RRAGC: variants seen among roughly 807,000 people sequenced by gnomAD.
RRAGC encodes the protein ras-related GTP-binding protein C.
In RRAGC, 8 loss-of-function variants were observed where a neutral mutation model predicts 37.1. The ratio of observed to expected loss-of-function variants is 0.22; its 90% confidence interval spans 0.13 to 0.39. The LOEUF (loss-of-function observed/expected upper bound fraction) is 0.39, where lower values mean the gene tolerates loss of function less well. Ranked by LOEUF, RRAGC falls within the 10% of genes least tolerant of loss-of-function variation. RRAGC has a pLI of 1.00. For missense variants in RRAGC, 342 were observed against 497.6 expected, an observed-to-expected ratio of 0.69 and a Z score of 2.98; for synonymous variants, 190 against 181.1, an observed-to-expected ratio of 1.05 and a Z score of -0.39.
intron 5 of RRAGC, among the ~76,000 whole-genome samples, chr1:38,848,789 A>T (rs948926425): frequency 6.6e-5 from 10 of 152,236 alleles, no homozygotes; most frequent in Middle Eastern, 6.8e-3. Flanking sequence ...GTTCGATACC[A>T]GCCTGGGTAA....
chr1:38,840,801 G>T (rs1244735155), intron 6 of RRAGC, among the ~76,000 whole-genome samples: 5 of 152,164 alleles, frequency 3.3e-5, no homozygotes, highest in East Asian at 1.9e-4. Flanking sequence ...GAATAAGTAG[G>T]TTACAGCCAA....
At chr1:38,848,922 A>C (rs1342255154) in intron 5 of RRAGC, among the ~76,000 whole-genome samples, 1 of 152,166 alleles carries the variant, frequency 6.6e-6, no homozygotes, top group African/African-American at 2.4e-5. Context: ...ACTTGAGTCC[A>C]GGAATTCAAG....
chr1:38,842,477 C>T (rs1302370450), intron 6 of RRAGC, among the ~76,000 whole-genome samples: 5 of 152,180 alleles, frequency 3.3e-5, no homozygotes, highest in African/African-American at 1.2e-4. Flanking sequence ...GATACCCTTT[C>T]ACACCTACCA....
At position 38,859,551 on chromosome 1, in the gene RRAGC, C is replaced by T; in HGVS notation, c.96G>A (p.Glu32=). ...CCGCCGCCGCCGCCTCCTCTTCCTC[C>T]TCCTCCACGCCGTAGCCGAAGTCCT... ...FPKDFGYGVE[E]EEEEAAAAGG... The change falls in exon 1 of 7, where the codon GAG becomes GAA. Residue 32 remains glutamate, a synonymous_variant. Transcript: ENST00000373001. 6.4e-7 allele frequency: 1 copy of T among 1,551,876 alleles called. No homozygotes were observed. The highest frequency in any genetic ancestry group is 1.2e-5 in the South Asian group (1 of 84,268).
intron 2 of RRAGC, 82 bp downstream of exon 2, chr1:38,856,797 A>G: frequency 1.5e-6 from 2 of 1,357,502 alleles, no homozygotes; most frequent in South Asian, 1.2e-5. Flanking sequence ...CTGCAACCAC[A>G]TGACAAAGAA....
At chr1:38,856,423 T>C (rs759817572) in intron 2 of RRAGC, among the ~76,000 whole-genome samples, 5 of 152,202 alleles carry the variant, frequency 3.3e-5, no homozygotes, top group Admixed American at 6.5e-5. Flanking sequence ...ACTTGCCCCA[T>C]TCATCTCACT....
intron 3 of RRAGC, among the ~76,000 whole-genome samples, chr1:38,855,493 T>G (rs1642157357): frequency 6.6e-6 from 1 of 152,154 alleles, no homozygotes; most frequent in Non-Finnish European, 1.5e-5. Flanking sequence ...TGGAAACACT[T>G]CACATGACTT....
At chr1:38,857,561 A>G (rs567593908) in intron 1 of RRAGC, among the ~76,000 whole-genome samples, 1 of 152,364 alleles carries the variant, frequency 6.6e-6, no homozygotes, top group East Asian at 1.9e-4. Flanking sequence ...GAAGGGCAGT[A>G]ACTATACCAA....
intron 2 of RRAGC, among the ~76,000 whole-genome samples, chr1:38,856,516 T>G (rs1283343461): frequency 6.6e-6 from 1 of 152,220 alleles, no homozygotes; most frequent in Non-Finnish European, 1.5e-5. Flanking sequence ...CACTCTAATA[T>G]CTACTGACTC....
chr1:38,857,697 C>G (rs1362024549), intron 1 of RRAGC, among the ~76,000 whole-genome samples: 1 of 152,242 alleles, frequency 6.6e-6, no homozygotes, highest in African/African-American at 2.4e-5. Flanking sequence ...CGGTGGCTCA[C>G]GCCTTCAATC....
rs1341282239 is a variant in RRAGC at position 38,838,432 on chromosome 1, A to G, written c.*1121T>C. On this transcript the variant is annotated 3_prime_UTR_variant, in exon 7 of 7. Coordinates refer to ENST00000373001, the MANE Select transcript of RRAGC (RefSeq NM_022157.4). ...AAGTGGTCCAGTGGCTTTGGAATAT[A>G]TGTCTACTGGGCATGTGGAATAGAA... 1 of 152,244 alleles carries G rather than the reference A, an allele frequency of 6.6e-6. No individual in the cohort carries two copies. The highest frequency in any genetic ancestry group is 1.5e-5 in the Non-Finnish European group (1 of 68,050). 9.4% of individuals were successfully genotyped at this position (152,244 alleles called of 1,614,324 possible).
At position 38,859,730 on chromosome 1, in the gene RRAGC, C is replaced by T. The variant is rs1008970346; in HGVS notation, c.-84G>A. ...CCGCCTCCCCAGTCCGCCTCCGCCG[C>T]CGCCGCCACCACCGCCACCGCCCCC... On this transcript the variant is annotated 5_prime_UTR_variant, in exon 1 of 7. Transcript: ENST00000373001. 10 of 1,168,220 alleles carry T rather than the reference C, an allele frequency of 8.6e-6. No individual in the cohort carries two copies. Among genetic ancestry groups the T allele is most frequent in the Non-Finnish European group, 1.1e-5 (10 of 929,362 alleles). 72.4% of individuals were successfully genotyped at this position (1,168,220 alleles called of 1,614,324 possible).
chr1:38,845,272 A>C (rs2124218587), intron 6 of RRAGC, among the ~76,000 whole-genome samples: 1 of 152,350 alleles, frequency 6.6e-6, no homozygotes, highest in Non-Finnish European at 1.5e-5. Flanking sequence ...TGGCACATAT[A>C]CATCATGGAA....
intron 1 of RRAGC, among the ~76,000 whole-genome samples, 155 bp downstream of exon 1, chr1:38,859,255 C>G (rs1199156593): frequency 6.6e-6 from 1 of 152,236 alleles, no homozygotes; most frequent in African/African-American, 2.4e-5. Flanking sequence ...TCGGGGTCCC[C>G]GCGCGGGCCG....
At chr1:38,844,275 A>G (rs961568234) in intron 6 of RRAGC, among the ~76,000 whole-genome samples, 1 of 152,110 alleles carries the variant, frequency 6.6e-6, no homozygotes, top group Non-Finnish European at 1.5e-5. Context: ...AATATTTAAG[A>G]GAGAACGTCT....
rs766556826 is a variant in RRAGC, at chr1:38,839,682, G to C, written c.1071C>G (p.His357Gln). The change falls in exon 7 of 7, where the codon CAC (histidine) becomes CAG (glutamine). Residue 357 changes from histidine (H) to glutamine (Q), a missense_variant. By Grantham distance (24) the His-to-Gln change is conservative. Coordinates refer to ENST00000373001, the MANE Select transcript of RRAGC (RefSeq NM_022157.4). ...CCTCATGAATAGCTTTTCGGAAACA[G>C]TGGAAGTTGTAGTCTATTAAACCTG... is the stretch of plus-strand genomic sequence containing the variant. ...ERKGLIDYNFHCFRKAIHEVF... is the reference protein window; with the variant it reads ...ERKGLIDYNFQCFRKAIHEVF... The C allele has an allele frequency of 6.2e-7, 1 of 1,614,176 alleles. No homozygotes were observed.
chr1:38,856,210 TGTCAC>T (rs1264253383), intron 2 of RRAGC, among the ~76,000 whole-genome samples: 1 of 152,176 alleles, frequency 6.6e-6, no homozygotes, highest in Non-Finnish European at 1.5e-5. Context: ...TTATTCAGTG[TGTCAC>T]TTTAAGCAAG....
rs1341577598 is a variant in RRAGC at position 38,839,119 on chromosome 1, A to C, written c.*434T>G. 6.4e-6 allele frequency: 1 copy of C among 155,994 alleles called. No homozygotes were observed. Among genetic ancestry groups the C allele is most frequent in the Non-Finnish European group, 1.4e-5 (1 of 70,662 alleles). The allele number at this position is 155,994 out of a possible 1,614,324, so 9.7% of individuals were successfully genotyped here. On this transcript the variant is annotated 3_prime_UTR_variant, in exon 7 of 7. Coordinates refer to ENST00000373001, the MANE Select transcript of RRAGC (RefSeq NM_022157.4). ...ATCTGAGAGGCAGTGTTAGAACTTA[A>C]GCAAGGCAGAATTTTTAGAGTCTAC...
intron 6 of RRAGC, among the ~76,000 whole-genome samples, chr1:38,842,224 A>G (rs1322093717): frequency 6.6e-6 from 1 of 152,212 alleles, no homozygotes; most frequent in Non-Finnish European, 1.5e-5. Flanking sequence ...GTGAGCCGAG[A>G]TCGCACCACT....
Sources: gnomAD v4.1 joint callset for allele counts (sites outside exome capture counted in the v4.1 genomes callset) on GRCh38, gnomAD v4.1.1 for gene constraint, MANE v1.5 for transcripts, NCBI Gene and HGNC (gene_info 2026-07-23, HGNC 2026-07-21) for gene names.